The following PSEN1 variants were observed in gnomAD, a reference collection of about 807,000 sequenced individuals.
PSEN1 encodes the protein presenilin 1.
In PSEN1, 15 loss-of-function variants were observed where a neutral mutation model predicts 53.5. That is an observed-to-expected ratio of 0.28 (90% CI 0.19 to 0.43). The LOEUF is 0.43. PSEN1 is among the 20% of genes least tolerant of loss of function. The pLI is 1.00. For missense variants in PSEN1, 387 were observed against 571.2 expected (o/e 0.68, Z 3.29); for synonymous variants, 208 against 209.8 (o/e 0.99, Z 0.08).
intron 3 of PSEN1, among the ~76,000 whole-genome samples, chr14:73,154,396 G>A (rs1594973600): frequency 6.6e-6 from 1 of 151,612 alleles, no homozygotes; most frequent in African/African-American, 2.4e-5. Flanking sequence ...CCAGGAGTTT[G>A]AGACTAGCTT....
chr14:73,145,438 G>C (rs1897042044), intron 1 of PSEN1, among the ~76,000 whole-genome samples: 1 of 151,958 alleles, frequency 6.6e-6, no homozygotes, highest in Non-Finnish European at 1.5e-5. Context: ...TGGCTCCAGT[G>C]ATCCTTCCAC....
chr14:73,143,781 A>C (rs915415045), intron 1 of PSEN1, among the ~76,000 whole-genome samples: 1 of 151,888 alleles, frequency 6.6e-6, no homozygotes, highest in Non-Finnish European at 1.5e-5. Flanking sequence ...GGGAGACTGA[A>C]GTGGTAGGGT....
chr14:73,217,979 G>A (rs1440696301), intron 11 of PSEN1, among the ~76,000 whole-genome samples: 3 of 151,512 alleles, frequency 2.0e-5, no homozygotes, highest in Non-Finnish European at 4.4e-5. Context: ...GTAGAAACAG[G>A]GTTTCACCAT....
chr14:73,170,550 G>T (rs1304440983), intron 3 of PSEN1, among the ~76,000 whole-genome samples: 1 of 152,224 alleles, frequency 6.6e-6, no homozygotes, highest in Non-Finnish European at 1.5e-5. Flanking sequence ...GTACAATTGT[G>T]TATGTTGGGA....
chr14:73,192,192 CT>C (rs1369149607), intron 6 of PSEN1, among the ~76,000 whole-genome samples: 1 of 152,090 alleles, frequency 6.6e-6, no homozygotes, highest in Non-Finnish European at 1.5e-5. Flanking sequence ...AATCCCAGCA[CT>C]TTGGGAGGCT....
intron 10 of PSEN1, 145 bp downstream of exon 10, chr14:73,212,087 G>GCTTTT (rs1899714860): frequency 1.2e-5 from 1 of 80,676 alleles, no homozygotes; most frequent in Non-Finnish European, 2.5e-5. Flanking sequence ...CAGTAATAGT[G>GCTTTT]CTTTTTTTTT....
At chr14:73,190,848 T>C (rs1898688713) in intron 6 of PSEN1, among the ~76,000 whole-genome samples, 2 of 152,232 alleles carry the variant, frequency 1.3e-5, no homozygotes, top group Non-Finnish European at 2.9e-5. Context: ...GATTAATAAA[T>C]AGATTGTTTT....
At chr14:73,143,053 A>C (rs1240751256) in intron 1 of PSEN1, among the ~76,000 whole-genome samples, 1 of 152,198 alleles carries the variant, frequency 6.6e-6, no homozygotes, top group African/African-American at 2.4e-5. Context: ...AAGAATGTTC[A>C]TGGCTAAGAA....
intron 7 of PSEN1, among the ~76,000 whole-genome samples, chr14:73,197,207 G>A (rs546609932): frequency 3.5e-4 from 53 of 152,176 alleles, no homozygotes; most frequent in East Asian, 1.9e-3. Context: ...TGCTGGGATT[G>A]CAGGCGTGAG....
intron 5 of PSEN1, among the ~76,000 whole-genome samples, chr14:73,182,429 C>G (rs1002872136): frequency 6.6e-6 from 1 of 151,804 alleles, no homozygotes; most frequent in East Asian, 1.9e-4. Flanking sequence ...CCCAGTGGTT[C>G]GAGATTGCAG....
chr14:73,202,430 A>T (rs1443438510), intron 8 of PSEN1, among the ~76,000 whole-genome samples: 20 of 10,016 alleles, frequency 2.0e-3, no homozygotes, highest in African/African-American at 9.1e-3. Flanking sequence ...ATATATATAT[A>T]TATATATATA....
intron 1 of PSEN1, among the ~76,000 whole-genome samples, chr14:73,144,949 G>A (rs1448145248): frequency 6.6e-6 from 1 of 152,138 alleles, no homozygotes; most frequent in African/African-American, 2.4e-5. Context: ...CTGCGGTGCA[G>A]TGGCGCAATC....
At position 73,198,064 on chromosome 14, in the gene PSEN1, T is replaced by G. The variant is rs1179768627; in HGVS notation, c.803T>G (p.Leu268Arg). The G allele has an allele frequency of 6.2e-7, 1 of 1,612,730 alleles. No individual in the cohort carries two copies. The highest frequency in any genetic ancestry group is 1.7e-5 in the Admixed American group (1 of 60,006). The change falls in exon 8 of 12, where the codon CTT becomes CGT. Residue 268 changes from leucine to arginine, a missense_variant. Physicochemically the swap from Leu to Arg is moderately radical, Grantham distance 102 (BLOSUM62 -2). Coordinates refer to ENST00000324501, the MANE Select transcript of PSEN1 (RefSeq NM_000021.4). ...LVAVLCPKGP[L>R]RMLVETAQER... ...GCTGTTTTGTGTCCGAAAGGTCCACTTCGTATGCTGGTTGAAACAGCTCAG... is the reference window on the plus strand; with the variant it reads ...GCTGTTTTGTGTCCGAAAGGTCCACGTCGTATGCTGGTTGAAACAGCTCAG...
At chr14:73,172,869 C>G (rs550141411) in intron 4 of PSEN1, among the ~76,000 whole-genome samples, 4 of 152,240 alleles carry the variant, frequency 2.6e-5, no homozygotes, top group African/African-American at 9.6e-5. Flanking sequence ...GGCTGGAGCC[C>G]TAGCCTTCAT....
chr14:73,219,242 G>A lies in PSEN1; in HGVS notation c.1357G>A (p.Val453Ile), dbSNP rs1064797190. ...TTTCTACTTTGCCACAGATTATCTT[G>A]TACAGCCTTTTATGGACCAATTAGC... Reference protein sequence around the residue: ...LVFYFATDYLVQPFMDQLAFH... With the variant: ...LVFYFATDYLIQPFMDQLAFH... The change falls in exon 12 of 12, where the codon GTA (valine) becomes ATA (isoleucine). Residue 453 changes from valine to isoleucine, a missense_variant. By Grantham distance (29) the Val-to-Ile change is conservative. Coordinates refer to ENST00000324501, the MANE Select transcript of PSEN1 (RefSeq NM_000021.4). The A allele has an allele frequency of 6.2e-7, 1 of 1,613,590 alleles. No individual in the cohort carries two copies. The highest frequency in any genetic ancestry group is 8.5e-7 in the Non-Finnish European group (1 of 1,179,710).
chr14:73,152,110 A>T (rs1323613782), intron 3 of PSEN1, among the ~76,000 whole-genome samples: 5 of 142,158 alleles, frequency 3.5e-5, no homozygotes, highest in Admixed American at 1.4e-4. Context: ...GCGGGGTTTC[A>T]CCGTGTTAGC....
At chr14:73,163,907 G>C (rs939713042) in intron 3 of PSEN1, among the ~76,000 whole-genome samples, 4 of 151,952 alleles carry the variant, frequency 2.6e-5, no homozygotes, top group African/African-American at 9.7e-5. Flanking sequence ...TTAAACAAAG[G>C]AATGACATGA....
intron 1 of PSEN1, among the ~76,000 whole-genome samples, chr14:73,142,596 TATTA>T (rs768105824): frequency 2.0e-4 from 30 of 152,358 alleles, no homozygotes; most frequent in East Asian, 3.9e-4. Flanking sequence ...GAAGAAAACG[TATTA>T]ATTCTTTTCT....
chr14:73,144,544 G>A (rs1594959903), intron 1 of PSEN1, among the ~76,000 whole-genome samples: 1 of 152,116 alleles, frequency 6.6e-6, no homozygotes, highest in African/African-American at 2.4e-5. Flanking sequence ...GGGCAGGTTT[G>A]GAGTTTTATA....
Sources: allele counts gnomAD v4.1 joint callset (sites outside exome capture counted in the v4.1 genomes callset), GRCh38; gene constraint gnomAD v4.1.1; transcripts MANE v1.5; gene names NCBI Gene and HGNC (gene_info 2026-07-23, HGNC 2026-07-21).